The following ATP6V0E1 variants were observed in gnomAD, a reference collection of about 807,000 sequenced individuals.
ATP6V0E1 encodes the protein V-type proton ATPase subunit e 1.
ATP6V0E1 carries 4 observed loss-of-function variants against 11.6 expected under a neutral mutation model. The observed-to-expected ratio is 0.35, with a 90% confidence interval of 0.17 to 0.79. ATP6V0E1 has a LOEUF of 0.79. Ranked by LOEUF, ATP6V0E1 falls within the 30% of genes least tolerant of loss-of-function variation. ATP6V0E1 has a pLI of 0.54. For synonymous variants in ATP6V0E1, 36 were observed against 34.8 expected (o/e 1.04, Z -0.13); for missense variants, 105 against 100.0 (o/e 1.05, Z -0.21).
intron 1 of ATP6V0E1, among the ~76,000 whole-genome samples, chr5:172,993,972 A>AG (rs1268823729): frequency 6.6e-6 from 1 of 152,070 alleles, no homozygotes. Flanking sequence ...TGGATGATGG[A>AG]GGGGGGACAT....
At chr5:172,993,688 C>T (rs182116426) in intron 1 of ATP6V0E1, among the ~76,000 whole-genome samples, 11 of 130,700 alleles carry the variant, frequency 8.4e-5, no homozygotes, top group Non-Finnish European at 1.5e-4. Flanking sequence ...GACCCCCCCC[C>T]CCGACCCCAC....
chr5:173,012,998 C>T (rs992076511), intron 2 of ATP6V0E1, among the ~76,000 whole-genome samples: 1 of 151,792 alleles, frequency 6.6e-6, no homozygotes, highest in Non-Finnish European at 1.5e-5. Flanking sequence ...CATAATGAGA[C>T]CCTGTCTCTA....
intron 2 of ATP6V0E1, among the ~76,000 whole-genome samples, chr5:173,001,252 G>C (rs1175355963): frequency 6.6e-6 from 1 of 152,104 alleles, no homozygotes; most frequent in Non-Finnish European, 1.5e-5. Flanking sequence ...CTTTAATAAG[G>C]AGAAGCAGAT....
chr5:172,990,750 C>G (rs1294096314), intron 1 of ATP6V0E1, among the ~76,000 whole-genome samples: 1 of 151,694 alleles, frequency 6.6e-6, no homozygotes, highest in African/African-American at 2.4e-5. Context: ...TTGCTTGAGC[C>G]CAGGAGGCAG....
At chr5:173,030,441 G>GTTT (rs60654421) in intron 3 of ATP6V0E1, among the ~76,000 whole-genome samples, 3 of 127,554 alleles carry the variant, frequency 2.4e-5, no homozygotes, top group Admixed American at 8.0e-5. Flanking sequence ...TCAGTTTTTT[G>GTTT]TTTTTTTTTT....
At chr5:172,985,079 A>G (rs530218753) in intron 1 of ATP6V0E1, among the ~76,000 whole-genome samples, 1 of 152,058 alleles carries the variant, frequency 6.6e-6, no homozygotes, top group Non-Finnish European at 1.5e-5. Flanking sequence ...ACCCGTCTCT[A>G]CTAAAAACAC....
intron 2 of ATP6V0E1, among the ~76,000 whole-genome samples, chr5:173,000,884 A>G (rs1436451892): frequency 2.0e-5 from 3 of 152,022 alleles, no homozygotes. Flanking sequence ...TATTGTTAGT[A>G]AAGACAGGGT....
At chr5:173,031,419 C>CT (rs564495625) in intron 3 of ATP6V0E1, among the ~76,000 whole-genome samples, 25,565 of 128,990 alleles carry the variant, frequency 0.2, 2,864 homozygotes, top group African/African-American at 0.25. Context: ...CCTTATGACT[C>CT]TTTTTTTTTT....
intron 1 of ATP6V0E1, among the ~76,000 whole-genome samples, chr5:172,984,796 T>G (rs987039088): frequency 1.3e-5 from 2 of 152,216 alleles, no homozygotes; most frequent in East Asian, 3.8e-4. Context: ...GAGGTGAAAC[T>G]TCGACTGAAG....
chr5:173,006,612 TCAAA>T (rs369237135), intron 2 of ATP6V0E1, among the ~76,000 whole-genome samples: 2,231 of 152,096 alleles, frequency 0.015, 46 homozygotes, highest in African/African-American at 0.041. Context: ...AGACTCCATC[TCAAA>T]CAAACAAACA....
At chr5:173,001,298 C>G (rs1756149283) in intron 2 of ATP6V0E1, among the ~76,000 whole-genome samples, 1 of 152,000 alleles carries the variant, frequency 6.6e-6, no homozygotes, top group African/African-American at 2.4e-5. Context: ...CCGATCACTC[C>G]CCTCATTGCC....
At chr5:173,017,861 GA>G (rs1053171211) in intron 2 of ATP6V0E1, among the ~76,000 whole-genome samples, 32 of 127,880 alleles carry the variant, frequency 2.5e-4, no homozygotes, top group Non-Finnish European at 4.7e-4. Context: ...AAAAAAAAAA[GA>G]AAAGAAAAGA....
intron 2 of ATP6V0E1, 77 bp downstream of exon 2, chr5:172,994,899 C>A: frequency 8.7e-7 from 1 of 1,152,108 alleles, no homozygotes; most frequent in Non-Finnish European, 1.2e-6. Context: ...TATTGGAGCT[C>A]ATCCCTCATG....
intron 3 of ATP6V0E1, among the ~76,000 whole-genome samples, chr5:173,027,177 T>TAA (rs1756574365): frequency 2.3e-5 from 1 of 43,430 alleles, no homozygotes; most frequent in African/African-American, 1.1e-4. Flanking sequence ...AGACTCCGTC[T>TAA]CAAAAAAAAA....
intron 3 of ATP6V0E1, among the ~76,000 whole-genome samples, chr5:173,028,185 G>A (rs1365237497): frequency 2.0e-5 from 3 of 152,138 alleles, no homozygotes; most frequent in Admixed American, 2.0e-4. Flanking sequence ...TATGAACATC[G>A]TGTCATGCCT....
intron 1 of ATP6V0E1, among the ~76,000 whole-genome samples, chr5:172,994,557 C>T (rs1401544237): frequency 2.6e-5 from 4 of 152,166 alleles, no homozygotes; most frequent in Admixed American, 6.5e-5. Context: ...GGCATCAGCA[C>T]ATATCTCTTT....
chr5:173,033,986 C>G (rs1267980606), intron 3 of ATP6V0E1, among the ~76,000 whole-genome samples: 1 of 152,202 alleles, frequency 6.6e-6, no homozygotes, highest in Non-Finnish European at 1.5e-5. Context: ...AGTACAAGAC[C>G]AATGCAAGGA....
At chr5:173,003,570 T>C (rs1271857303) in intron 2 of ATP6V0E1, among the ~76,000 whole-genome samples, 1 of 152,174 alleles carries the variant, frequency 6.6e-6, no homozygotes, top group Non-Finnish European at 1.5e-5. Flanking sequence ...CGTCAGGAAG[T>C]GACTGCATGC....
At chr5:173,020,408 A>G (rs1301057972) in intron 3 of ATP6V0E1, 41 bp downstream of exon 3, 4 of 1,261,806 alleles carry the variant, frequency 3.2e-6, no homozygotes, top group Admixed American at 2.0e-5. Flanking sequence ...ATGGTCAGGC[A>G]GTCAGAGTTT....
Sources: gnomAD v4.1 joint callset for allele counts (sites outside exome capture counted in the v4.1 genomes callset) on GRCh38, gnomAD v4.1.1 for gene constraint, MANE v1.5 for transcripts, NCBI Gene and HGNC (gene_info 2026-07-23, HGNC 2026-07-21) for gene names.